Variants in SPECC1L observed in about 807,000 individuals in gnomAD.
The protein encoded by SPECC1L is sperm antigen with calponin homology and coiled-coil domains 1 like, also known as cytospin-A.
A neutral mutation model predicts 116.8 loss-of-function variants in SPECC1L; 40 were observed. The observed-to-expected ratio is 0.34, with a 90% confidence interval of 0.27 to 0.45. The LOEUF is 0.45. SPECC1L is among the 20% of genes least tolerant of loss of function. The pLI, the probability that SPECC1L is intolerant of heterozygous loss-of-function variation, is 1.00. For synonymous variants in SPECC1L, 504 were observed against 500.6 expected, an observed-to-expected ratio of 1.01 and a Z score of -0.09; for missense variants, 1,110 against 1,373.6, an observed-to-expected ratio of 0.81 and a Z score of 3.03.
intron 3 of SPECC1L, 110 bp downstream of exon 3, chr22:24,302,494 G>A: frequency 7.1e-7 from 1 of 1,403,078 alleles, no homozygotes; most frequent in Non-Finnish European, 1.0e-6. Flanking sequence ...TTCTGGTGCT[G>A]GGAACACTTG....
intron 2 of SPECC1L, among the ~76,000 whole-genome samples, chr22:24,289,223 C>T (rs1194993436): frequency 2.6e-5 from 4 of 152,140 alleles, no homozygotes; most frequent in African/African-American, 4.8e-5. Context: ...CCAGAGGAGA[C>T]GCAAAATTTT....
Position 24,415,081 on chromosome 22 carries a change from G to A in SPECC1L, c.*458G>A. 4.4e-6 allele frequency: 1 copy of A among 228,176 alleles called. No homozygotes were observed. The highest frequency in any genetic ancestry group is 8.9e-6 in the Non-Finnish European group (1 of 112,296). 14.1% of individuals were successfully genotyped at this position (228,176 alleles called of 1,614,324 possible). On this transcript the variant is annotated 3_prime_UTR_variant, in exon 17 of 17. Coordinates refer to ENST00000314328, the MANE Select transcript of SPECC1L (RefSeq NM_015330.6). ...GTGCTGGTGAGAACCCAGAAGGAGA[G>A]TCAGCGCCTGGCAGTTCCCAGCGCC...
At chr22:24,413,756 A>C (rs2042747200) in intron 16 of SPECC1L, among the ~76,000 whole-genome samples, 1 of 152,166 alleles carries the variant, frequency 6.6e-6, no homozygotes, top group Non-Finnish European at 1.5e-5. Flanking sequence ...TATAGTCAAG[A>C]TTCTTGCATT....
Position 24,322,374 on chromosome 22 carries a change from A to G in SPECC1L, c.1394A>G (p.Tyr465Cys), listed in dbSNP as rs1323588901. Residue 465 changes from tyrosine to cysteine, a missense_variant, in exon 5 of 17, where the codon TAC becomes TGC. Tyr to Cys is a radical substitution (Grantham distance 194). This residue lies in a region of SPECC1L where 575 missense variants were observed against 682.4 expected (regional missense o/e 0.84). Transcript: ENST00000314328. ...GAACACTTTAGTCGACAGATTGAAT[A>G]CTTCCGCTCTCTTCTAGATGAGCAT... ...KLEHFSRQIE[Y>C]FRSLLDEHHI... The G allele has an allele frequency of 6.2e-7, 1 of 1,614,228 alleles. No individual in the cohort carries two copies. Among genetic ancestry groups the G allele is most frequent in the Non-Finnish European group, 8.5e-7 (1 of 1,180,042 alleles).
intron 6 of SPECC1L, among the ~76,000 whole-genome samples, chr22:24,325,509 T>G (rs901412554): frequency 1.1e-3 from 172 of 152,178 alleles, no homozygotes; most frequent in African/African-American, 4.0e-3. Flanking sequence ...GTATTTCCAC[T>G]GGCTGCCACT....
At chr22:24,360,323 C>T (rs922477221) in intron 11 of SPECC1L, among the ~76,000 whole-genome samples, 7 of 152,320 alleles carry the variant, frequency 4.6e-5, no homozygotes, top group Middle Eastern at 6.8e-3. Flanking sequence ...AGTGGAAATA[C>T]TTCATGAAAT....
intron 2 of SPECC1L, among the ~76,000 whole-genome samples, chr22:24,297,015 A>AGTGAGTAGTT: frequency 6.8e-6 from 1 of 146,292 alleles, no homozygotes; most frequent in Admixed American, 6.9e-5. Context: ...GTGTGATCCC[A>AGTGAGTAGTT]GCTCACTGCA....
intron 9 of SPECC1L, among the ~76,000 whole-genome samples, chr22:24,336,878 C>T (rs1006472609): frequency 6.6e-5 from 10 of 152,058 alleles, no homozygotes; most frequent in African/African-American, 1.9e-4. Context: ...GTAGTGCCAG[C>T]GATACACATT....
chr22:24,369,418 C>T (rs1018963314), intron 14 of SPECC1L, 98 bp downstream of exon 14: 1 of 880,592 alleles, frequency 1.1e-6, no homozygotes, highest in Non-Finnish European at 1.9e-6. Context: ...ATGATAAGTC[C>T]TGACCTGGCA....
At chr22:24,316,022 T>C (rs1015334029) in intron 4 of SPECC1L, among the ~76,000 whole-genome samples, 4 of 152,230 alleles carry the variant, frequency 2.6e-5, no homozygotes, top group African/African-American at 9.6e-5. Flanking sequence ...GCAGTCACAT[T>C]TGAGGTTTTG....
chr22:24,405,558 G>A lies in SPECC1L; in HGVS notation c.3088-6030G>A, dbSNP rs546930200. On this transcript the variant is annotated intron_variant, in intron 14 of 16. Transcript: ENST00000314328. ...AACTAAACCCTAAAAATACCTTACA[G>A]GCTGGGCACGGTAGCTCACACCTGT... Among the ~76,000 whole-genome samples the A allele has an allele frequency of 2.6e-5, 4 of 152,208 alleles. No homozygotes were observed. In the East Asian group the frequency reaches 5.8e-4, roughly 22 times the overall value.
chr22:24,406,206 G>A (rs1310253185), intron 14 of SPECC1L, among the ~76,000 whole-genome samples: 1 of 152,168 alleles, frequency 6.6e-6, no homozygotes, highest in African/African-American at 2.4e-5. Context: ...TCATGCAGAT[G>A]GGGACAGAGC....
chr22:24,279,465 G>A (rs2048900447), intron 2 of SPECC1L, among the ~76,000 whole-genome samples: 1 of 152,180 alleles, frequency 6.6e-6, no homozygotes, highest in Non-Finnish European at 1.5e-5. Flanking sequence ...CTGGGCTCAA[G>A]TGATCCCCTT....
chr22:24,340,443 A>G (rs570492053), intron 10 of SPECC1L, among the ~76,000 whole-genome samples: 2 of 152,134 alleles, frequency 1.3e-5, no homozygotes, highest in Non-Finnish European at 2.9e-5. Context: ...CACTGTGCGC[A>G]GCTGATTTAA....
chr22:24,295,623 A>G (rs1451745648), intron 2 of SPECC1L, among the ~76,000 whole-genome samples: 2 of 152,122 alleles, frequency 1.3e-5, no homozygotes, highest in African/African-American at 4.8e-5. Flanking sequence ...ATAACATGGT[A>G]GTTAGTCCCT....
intron 6 of SPECC1L, among the ~76,000 whole-genome samples, chr22:24,325,304 T>C (rs2040796083): frequency 2.0e-5 from 3 of 152,216 alleles, no homozygotes; most frequent in Admixed American, 2.0e-4. Context: ...GCTGCTTTCT[T>C]GTGTGACCAC....
intron 14 of SPECC1L, among the ~76,000 whole-genome samples, chr22:24,400,751 C>T (rs773848766): frequency 6.6e-6 from 1 of 152,238 alleles, no homozygotes; most frequent in Non-Finnish European, 1.5e-5. Context: ...TAATAGCCAT[C>T]CTAATGGCTG....
intron 2 of SPECC1L, among the ~76,000 whole-genome samples, chr22:24,284,503 C>T (rs1053361487): frequency 3.1e-4 from 47 of 152,018 alleles, no homozygotes; most frequent in Non-Finnish European, 6.3e-4. Context: ...GGCGTGATCT[C>T]GGCTCACTGC....
chr22:24,314,250 C>T (rs186594000), intron 4 of SPECC1L, among the ~76,000 whole-genome samples: 2 of 151,930 alleles, frequency 1.3e-5, no homozygotes, highest in Non-Finnish European at 2.9e-5. Context: ...AGAGTTTCAC[C>T]GTGTTAGCCA....
Sources: allele counts gnomAD v4.1 joint callset (sites outside exome capture counted in the v4.1 genomes callset), GRCh38; gene constraint gnomAD v4.1.1; regional missense constraint gnomAD v4.1.1; transcripts MANE v1.5; gene names NCBI Gene and HGNC (gene_info 2026-07-23, HGNC 2026-07-21).